KCNN2: variants seen among roughly 807,000 people sequenced by gnomAD.
KCNN2 encodes potassium calcium-activated channel subfamily N member 2.
A neutral mutation model predicts 55.5 loss-of-function variants in KCNN2; 24 were observed. The observed-to-expected ratio is 0.43, with a 90% CI of 0.31 to 0.61. The LOEUF (loss-of-function observed/expected upper bound fraction) is 0.61, where lower values mean the gene tolerates loss of function less well. Ranked by LOEUF, KCNN2 falls within the 20% of genes least tolerant of loss-of-function variation. The pLI is 0.08. For synonymous variants in KCNN2, 431 were observed against 336.1 expected (o/e 1.28, Z -3.09); for missense variants, 754 against 853.6 (o/e 0.88, Z 1.45).
chr5:114,184,833 C>A (rs1468116415), intron 1 of KCNN2, among the ~76,000 whole-genome samples: 1 of 152,192 alleles, frequency 6.6e-6, no homozygotes, highest in South Asian at 2.1e-4. Flanking sequence ...TAATACAACT[C>A]CTTTTGGACT....
intron 2 of KCNN2, among the ~76,000 whole-genome samples, chr5:114,395,226 C>T (rs577026555): frequency 6.6e-6 from 1 of 152,194 alleles, no homozygotes; most frequent in Non-Finnish European, 1.5e-5. Flanking sequence ...ACTCCAGCCC[C>T]TCTTCACTGA....
intron 1 of KCNN2, among the ~76,000 whole-genome samples, chr5:114,146,279 C>T (rs1001069663): frequency 6.6e-6 from 1 of 152,148 alleles, no homozygotes; most frequent in Admixed American, 6.6e-5. Flanking sequence ...GGGTAGACAA[C>T]TCCTTATCCC....
intron 3 of KCNN2, among the ~76,000 whole-genome samples, chr5:114,446,245 T>C (rs1382656688): frequency 2.0e-5 from 3 of 152,204 alleles, no homozygotes; most frequent in African/African-American, 7.2e-5. Flanking sequence ...GTGTCAAATA[T>C]GTATATATAA....
intron 5 of KCNN2, among the ~76,000 whole-genome samples, chr5:114,484,238 A>G (rs1034465034): frequency 1.3e-5 from 2 of 152,114 alleles, no homozygotes; most frequent in Non-Finnish European, 2.9e-5. Context: ...TGGAAAGGGG[A>G]CAAAAGGGCA....
intron 2 of KCNN2, among the ~76,000 whole-genome samples, chr5:114,354,054 G>C (rs1168447020): frequency 4.0e-5 from 6 of 151,360 alleles, no homozygotes; most frequent in African/African-American, 1.2e-4. Context: ...CATGTCTCTT[G>C]GTGCATGTAG....
intron 1 of KCNN2, among the ~76,000 whole-genome samples, chr5:114,073,693 G>A (rs1378136995): frequency 6.6e-6 from 1 of 152,176 alleles, no homozygotes; most frequent in Non-Finnish European, 1.5e-5. Context: ...TTGAGACTTT[G>A]AGAGCTGGTC....
At chr5:114,141,303 C>T (rs1237422876) in intron 1 of KCNN2, among the ~76,000 whole-genome samples, 9 of 152,020 alleles carry the variant, frequency 5.9e-5, no homozygotes, top group Admixed American at 1.3e-4. Context: ...CGACAGGCCC[C>T]GGTGTGTGAT....
At chr5:114,454,897 T>C (rs1760851513) in intron 3 of KCNN2, among the ~76,000 whole-genome samples, 1 of 152,234 alleles carries the variant, frequency 6.6e-6, no homozygotes, top group South Asian at 2.1e-4. Flanking sequence ...TGCCTTCGAA[T>C]TGGGGGTACA....
At chr5:114,171,077 C>CT (rs1000448563) in intron 1 of KCNN2, among the ~76,000 whole-genome samples, 35 of 152,044 alleles carry the variant, frequency 2.3e-4, no homozygotes, top group African/African-American at 8.2e-4. Flanking sequence ...TCCTGACTCT[C>CT]TATCTTTCCA....
chr5:114,300,290 A>G (rs768891941), intron 2 of KCNN2, among the ~76,000 whole-genome samples: 31 of 152,200 alleles, frequency 2.0e-4, no homozygotes, highest in Non-Finnish European at 3.7e-4. Flanking sequence ...AGTTAAAAGC[A>G]TGGAAATCAA....
At chr5:114,487,350 A>G (rs911085928) in intron 6 of KCNN2, among the ~76,000 whole-genome samples, 173 bp downstream of exon 6, 1 of 152,178 alleles carries the variant, frequency 6.6e-6, no homozygotes, top group Non-Finnish European at 1.5e-5. Flanking sequence ...GAATAACCTC[A>G]GTTCCTTTAA....
chr5:114,193,674 A>G (rs1331176297), intron 1 of KCNN2, among the ~76,000 whole-genome samples: 4 of 152,246 alleles, frequency 2.6e-5, no homozygotes, highest in Middle Eastern at 3.4e-3. Context: ...AGCTTATTCT[A>G]TTAAAGTTTG....
At chr5:114,342,513 A>G (rs767523408) in intron 2 of KCNN2, among the ~76,000 whole-genome samples, 4 of 152,190 alleles carry the variant, frequency 2.6e-5, no homozygotes, top group Admixed American at 1.3e-4. Flanking sequence ...GAAAGATTTC[A>G]TAGACTTTAG....
At chr5:114,245,566 C>G (rs1317510831) in intron 2 of KCNN2, among the ~76,000 whole-genome samples, 1 of 152,112 alleles carries the variant, frequency 6.6e-6, no homozygotes, top group African/African-American at 2.4e-5. Flanking sequence ...CTATAGCTGC[C>G]TTTTGGTTTA....
chr5:114,084,295 C>G (rs1230091802), intron 1 of KCNN2, among the ~76,000 whole-genome samples: 1 of 152,002 alleles, frequency 6.6e-6, no homozygotes, highest in African/African-American at 2.4e-5. Flanking sequence ...TGTATTTACA[C>G]CAACAATGAA....
chr5:114,191,003 G>A (rs1753438506), intron 1 of KCNN2, among the ~76,000 whole-genome samples: 1 of 152,128 alleles, frequency 6.6e-6, no homozygotes, highest in South Asian at 2.1e-4. Flanking sequence ...TGAGAACACA[G>A]TCCTTGTGAG....
intron 2 of KCNN2, among the ~76,000 whole-genome samples, chr5:114,385,152 A>G (rs563349912): frequency 1.1e-4 from 16 of 152,014 alleles, no homozygotes; most frequent in Admixed American, 3.9e-4. Context: ...CAGGCCACCA[A>G]TTTCTCTCTT....
chr5:114,239,667 A>G (rs1307482352), intron 2 of KCNN2, among the ~76,000 whole-genome samples: 1 of 152,070 alleles, frequency 6.6e-6, no homozygotes, highest in African/African-American at 2.4e-5. Flanking sequence ...TCCAGTGGTT[A>G]CTCACATTCA....
At chr5:114,314,245 C>T (rs542911101) in intron 2 of KCNN2, among the ~76,000 whole-genome samples, 50 of 152,144 alleles carry the variant, frequency 3.3e-4, no homozygotes, top group Admixed American at 9.8e-4. Flanking sequence ...ATATCACTTC[C>T]CCCCTGCATA....
Sources: allele counts gnomAD v4.1 joint callset (sites outside exome capture counted in the v4.1 genomes callset), GRCh38; gene constraint gnomAD v4.1.1; transcripts MANE v1.5; gene names NCBI Gene and HGNC (gene_info 2026-07-23, HGNC 2026-07-21).